LAMA1: variants seen among roughly 807,000 people sequenced by gnomAD.
The protein encoded by LAMA1 is laminin subunit alpha-1.
A neutral mutation model predicts 348.7 loss-of-function variants in LAMA1; 219 were observed. The observed-to-expected ratio is 0.63, with a 90% CI of 0.56 to 0.70. The LOEUF is 0.70. LAMA1 is among the 30% of genes least tolerant of loss of function. LAMA1 has a pLI of 0.00. For synonymous variants in LAMA1, 1,487 were observed against 1,491.0 expected, an observed-to-expected ratio of 1.00 and a Z score of 0.06; for missense variants, 3,744 against 3,888.0, an observed-to-expected ratio of 0.96 and a Z score of 0.99.
chr18:7,017,151 C>A, intron 20 of LAMA1, 127 bp downstream of exon 20: 1 of 794,458 alleles, frequency 1.3e-6, no homozygotes, highest in Non-Finnish European at 2.2e-6. Context: ...ATTCCCCAGT[C>A]TTGGGTAGTA....
At chr18:7,012,454 G>A (rs1472329435) in intron 23 of LAMA1, among the ~76,000 whole-genome samples, 2 of 150,402 alleles carry the variant, frequency 1.3e-5, no homozygotes, top group Non-Finnish European at 3.0e-5. Flanking sequence ...CCCTGGGTGT[G>A]AGAGCCACCG....
chr18:7,043,430 A>G, intron 7 of LAMA1, 25 bp from the exon 8 acceptor site: 1 of 1,594,884 alleles, frequency 6.3e-7, no homozygotes, highest in Non-Finnish European at 8.6e-7. Context: ...TTAACATCTC[A>G]ATTAATTTAC....
At chr18:7,000,981 C>T (rs534503025) in intron 30 of LAMA1, among the ~76,000 whole-genome samples, 134 of 152,278 alleles carry the variant, frequency 8.8e-4, no homozygotes, top group African/African-American at 3.2e-3. Flanking sequence ...TTTATTAATG[C>T]GGACTTTGGG....
In LAMA1 at chr18:7,017,285, T is replaced by C; in HGVS notation, c.2801A>G (p.Gln934Arg). Reference protein sequence around the residue: ...KPNVTGQQCDQCLHGYYGLDS... With the variant: ...KPNVTGQQCDRCLHGYYGLDS... ...TAGTCACATGCATCTTACCAAGCACTGGTCACACTGCTGTCCAGTCACGTT... is the reference window on the plus strand; with the variant it reads ...TAGTCACATGCATCTTACCAAGCACCGGTCACACTGCTGTCCAGTCACGTT... The change falls in exon 20 of 63, where the codon CAG (glutamine) becomes CGG (arginine). Residue 934 changes from glutamine to arginine, a missense_variant. This residue lies in a region of LAMA1 where 1,529 missense variants were observed against 1,689.4 expected (regional missense o/e 0.91). Transcript: ENST00000389658. 2 of 1,612,720 alleles carry C rather than the reference T, an allele frequency of 1.2e-6. No homozygotes were observed. The highest frequency in any genetic ancestry group is 1.7e-6 in the Non-Finnish European group (2 of 1,178,930).
intron 18 of LAMA1, 49 bp from the exon 19 acceptor site, chr18:7,023,424 C>A: frequency 6.8e-7 from 1 of 1,460,898 alleles, no homozygotes; most frequent in Non-Finnish European, 9.6e-7. Flanking sequence ...TTACTTAAGG[C>A]CTTACCGCAC....
At chr18:7,017,199 GGACTTAGCTCC>G in intron 20 of LAMA1, 68 bp downstream of exon 20, 1 of 1,081,178 alleles carries the variant, frequency 9.2e-7, no homozygotes, top group East Asian at 2.5e-5. Flanking sequence ...ATACACTTGG[GGACTTAGCTCC>G]TTCTGAGTCA....
intron 1 of LAMA1, among the ~76,000 whole-genome samples, chr18:7,112,319 T>C (rs1441737855): frequency 6.6e-6 from 1 of 152,108 alleles, no homozygotes; most frequent in Non-Finnish European, 1.5e-5. Context: ...AGTAAAGAAG[T>C]TAGTATGAGG....
intron 57 of LAMA1, among the ~76,000 whole-genome samples, chr18:6,951,746 G>A (rs971005720): frequency 2.0e-5 from 3 of 152,210 alleles, no homozygotes; most frequent in Admixed American, 2.0e-4. Context: ...TGGCGGTGGG[G>A]ACTCAGAACA....
intron 16 of LAMA1, among the ~76,000 whole-genome samples, chr18:7,028,820 C>A (rs2144153618): frequency 6.6e-6 from 1 of 152,320 alleles, no homozygotes; most frequent in Non-Finnish European, 1.5e-5. Context: ...CAGGACCAGG[C>A]AGCACTGACC....
intron 1 of LAMA1, among the ~76,000 whole-genome samples, chr18:7,081,081 G>A (rs1336463972): frequency 3.3e-5 from 5 of 152,006 alleles, no homozygotes; most frequent in Non-Finnish European, 5.9e-5. Flanking sequence ...GTCGGTGGGA[G>A]TGTAAATCAG....
chr18:7,039,773 A>T (rs1298802920), intron 10 of LAMA1, among the ~76,000 whole-genome samples: 2 of 152,198 alleles, frequency 1.3e-5, no homozygotes, highest in African/African-American at 2.4e-5. Flanking sequence ...AACAGAGATG[A>T]GGCCCACAGA....
At chr18:6,964,953 A>G (rs2144015800) in intron 50 of LAMA1, 150 bp from the exon 51 acceptor site, 1 of 937,460 alleles carries the variant, frequency 1.1e-6, no homozygotes, top group Non-Finnish European at 1.6e-6. Context: ...TGGCTATTGA[A>G]GGACAAGTGA....
chr18:6,964,638 T>C (rs1440276889), intron 51 of LAMA1, 24 bp downstream of exon 51: 2 of 1,613,992 alleles, frequency 1.2e-6, no homozygotes, highest in Admixed American at 1.7e-5. Flanking sequence ...ATCAGCGACA[T>C]GAAAATTCTG....
At chr18:6,942,900 A>C (rs1293673044) in intron 62 of LAMA1, among the ~76,000 whole-genome samples, 1 of 152,196 alleles carries the variant, frequency 6.6e-6, no homozygotes, top group Non-Finnish European at 1.5e-5. Flanking sequence ...AATGACTCCC[A>C]AGTCTGACAG....
intron 13 of LAMA1, among the ~76,000 whole-genome samples, 183 bp from the exon 14 acceptor site, chr18:7,034,873 T>C (rs1163484175): frequency 6.6e-6 from 1 of 152,204 alleles, no homozygotes; most frequent in Non-Finnish European, 1.5e-5. Context: ...TTCATTGTAT[T>C]ATTTTTAGAG....
At chr18:7,051,686 T>C (rs550309873) in intron 3 of LAMA1, among the ~76,000 whole-genome samples, 4 of 152,314 alleles carry the variant, frequency 2.6e-5, no homozygotes, top group African/African-American at 9.6e-5. Flanking sequence ...TTTTTCATAG[T>C]GATTTGGAGA....
At chr18:7,103,896 G>A (rs1027197765) in intron 1 of LAMA1, among the ~76,000 whole-genome samples, 10 of 151,902 alleles carry the variant, frequency 6.6e-5, no homozygotes, top group African/African-American at 1.7e-4. Flanking sequence ...CCTCCCCAGC[G>A]GATCTTCGCT....
chr18:7,083,193 A>ATTTTT (rs10685378), intron 1 of LAMA1, among the ~76,000 whole-genome samples: 4 of 141,074 alleles, frequency 2.8e-5, no homozygotes, highest in Non-Finnish European at 4.6e-5. Context: ...ATATATATAC[A>ATTTTT]TTTTTTTTTT....
At chr18:7,104,401 C>G (rs911721926) in intron 1 of LAMA1, among the ~76,000 whole-genome samples, 1 of 152,168 alleles carries the variant, frequency 6.6e-6, no homozygotes, top group Non-Finnish European at 1.5e-5. Context: ...AGGCAAAACT[C>G]TCGGCCCTTA....
Sources: allele counts gnomAD v4.1 joint callset (sites outside exome capture counted in the v4.1 genomes callset), GRCh38; gene constraint gnomAD v4.1.1; regional missense constraint gnomAD v4.1.1; transcripts MANE v1.5; gene names NCBI Gene and HGNC (gene_info 2026-07-23, HGNC 2026-07-21).